Variants in ST6GAL1 observed in about 807,000 individuals in gnomAD.
ST6GAL1 encodes the protein ST6 beta-galactoside alpha-2,6-sialyltransferase 1.
In ST6GAL1, 20 loss-of-function variants were observed where a neutral mutation model predicts 38.0. The ratio of observed to expected loss-of-function variants is 0.53; its 90% CI spans 0.37 to 0.77. ST6GAL1 has a LOEUF of 0.77. Ranked by LOEUF, ST6GAL1 falls within the 30% of genes least tolerant of loss-of-function variation. The pLI is 0.00. For synonymous variants in ST6GAL1, 196 were observed against 188.2 expected, an observed-to-expected ratio of 1.04 and a Z score of -0.34; for missense variants, 432 against 496.4, an observed-to-expected ratio of 0.87 and a Z score of 1.23.
At chr3:186,982,271 G>A (rs555811130) in intron 2 of ST6GAL1, among the ~76,000 whole-genome samples, 1 of 152,324 alleles carries the variant, frequency 6.6e-6, no homozygotes, top group Admixed American at 6.5e-5. Context: ...TTGCATCAAA[G>A]GGTGGCAGAT....
chr3:186,977,723 C>G lies in ST6GAL1; in HGVS notation c.-183+13797C>G, dbSNP rs532450749. ...CCAGGGGCCTGCTGTATTTGAAGATCTTTTAGCCTGAGGGATTTTATCACA... is the reference window on the plus strand; with the variant it reads ...CCAGGGGCCTGCTGTATTTGAAGATGTTTTAGCCTGAGGGATTTTATCACA... On this transcript the variant is annotated intron_variant, in intron 2 of 7. Transcript: ENST00000169298. 3.9e-5 allele frequency among the ~76,000 whole-genome samples: 6 copies of G among 152,198 alleles called. 1 individual carries two copies. In the South Asian group the frequency reaches 8.3e-4, roughly 21 times the overall value.
In ST6GAL1 at chr3:186,952,509, T is replaced by G. The variant is rs1174997139; in HGVS notation, c.-324-11276T>G. Among the ~76,000 whole-genome samples the G allele has an allele frequency of 6.6e-6, 1 of 151,040 alleles. No individual in the cohort carries two copies. Among genetic ancestry groups the G allele is most frequent in the Non-Finnish European group, 1.5e-5 (1 of 67,468 alleles). ...TCATTTTCTTTTCTTTTCTTTTCTT[T>G]TTTTATTTTTATTGAGATGGAGTCT... On this transcript the variant is annotated intron_variant, in intron 1 of 7. Coordinates refer to ENST00000169298, the MANE Select transcript of ST6GAL1 (RefSeq NM_173216.2). The surrounding 1 kb of genome is among the most constrained non-coding windows in gnomAD (Gnocchi z 4.1).
At chr3:186,984,960 G>A (rs770023738) in intron 2 of ST6GAL1, among the ~76,000 whole-genome samples, 5 of 151,488 alleles carry the variant, frequency 3.3e-5, no homozygotes, top group Admixed American at 6.6e-5. Flanking sequence ...CCAGGCTGAA[G>A]TGCAGTGGCA....
chr3:186,933,586 T>G (rs891134462), intron 1 of ST6GAL1, among the ~76,000 whole-genome samples: 10 of 152,158 alleles, frequency 6.6e-5, no homozygotes, highest in African/African-American at 2.2e-4. Flanking sequence ...GCAGTATAGT[T>G]TTCTCACCAG....
intron 5 of ST6GAL1, among the ~76,000 whole-genome samples, chr3:187,062,297 G>A (rs543700423): frequency 9.2e-5 from 14 of 152,180 alleles, no homozygotes; most frequent in African/African-American, 3.4e-4. Context: ...CTTAAAAATG[G>A]AATTACCGTG....
intron 2 of ST6GAL1, among the ~76,000 whole-genome samples, chr3:186,996,219 CTG>C (rs1716400033): frequency 2.0e-5 from 3 of 152,156 alleles, no homozygotes; most frequent in Admixed American, 1.3e-4. Context: ...CCAAGAAACT[CTG>C]TGTATTTGCT....
At chr3:186,968,423 T>C (rs149466315) in intron 2 of ST6GAL1, among the ~76,000 whole-genome samples, 1 of 152,318 alleles carries the variant, frequency 6.6e-6, no homozygotes, top group African/African-American at 2.4e-5. Flanking sequence ...TGGTGAGTTT[T>C]GACATATGTA....
chr3:187,027,053 A>T (rs1011137425), intron 2 of ST6GAL1, among the ~76,000 whole-genome samples: 18 of 151,970 alleles, frequency 1.2e-4, no homozygotes, highest in African/African-American at 3.1e-4. Context: ...TGTCTCCAAA[A>T]AAATAAATAA....
At chr3:186,949,978 C>T (rs1232325238) in intron 1 of ST6GAL1, among the ~76,000 whole-genome samples, 2 of 152,164 alleles carry the variant, frequency 1.3e-5, no homozygotes, top group Non-Finnish European at 2.9e-5. Flanking sequence ...AGTTATTGTC[C>T]ACCTGATGGG....
chr3:186,936,800 A>T (rs1273367188), intron 1 of ST6GAL1, among the ~76,000 whole-genome samples: 1 of 151,956 alleles, frequency 6.6e-6, no homozygotes, highest in Admixed American at 6.6e-5. Context: ...AATCAGCCGG[A>T]CATGGTGGGC....
intron 2 of ST6GAL1, among the ~76,000 whole-genome samples, chr3:186,997,807 G>A (rs1716470252): frequency 6.6e-6 from 1 of 150,750 alleles, no homozygotes; most frequent in Admixed American, 6.6e-5. Context: ...TTGAGACAAT[G>A]CTGACTGGTG....
At chr3:186,938,289 C>T (rs1378108277) in intron 1 of ST6GAL1, among the ~76,000 whole-genome samples, 2 of 152,152 alleles carry the variant, frequency 1.3e-5, no homozygotes, top group Non-Finnish European at 2.9e-5. Context: ...ACAGCGCAAG[C>T]AAGTCGGGAT....
chr3:186,991,139 T>G (rs1716154932), intron 2 of ST6GAL1, among the ~76,000 whole-genome samples: 1 of 152,206 alleles, frequency 6.6e-6, no homozygotes, highest in Non-Finnish European at 1.5e-5. Context: ...GTTGCCTTCT[T>G]TTGGACTTGC....
intron 1 of ST6GAL1, among the ~76,000 whole-genome samples, chr3:186,954,999 A>G (rs1714700230): frequency 6.6e-6 from 1 of 152,152 alleles, no homozygotes; most frequent in Non-Finnish European, 1.5e-5. Context: ...TCTTGAGTTA[A>G]TTTTTGGGTA....
chr3:186,985,802 A>T (rs908559286), intron 2 of ST6GAL1, among the ~76,000 whole-genome samples: 2 of 151,306 alleles, frequency 1.3e-5, no homozygotes, highest in African/African-American at 4.9e-5. Context: ...AAAGAAAAAG[A>T]AAAAAAGACG....
At chr3:186,984,059 C>T (rs1425305218) in intron 2 of ST6GAL1, among the ~76,000 whole-genome samples, 1 of 152,180 alleles carries the variant, frequency 6.6e-6, no homozygotes, top group Non-Finnish European at 1.5e-5. Context: ...TCTGCTCTTC[C>T]TTTGTCTCCT....
At chr3:186,977,240 C>G (rs936779184) in intron 2 of ST6GAL1, among the ~76,000 whole-genome samples, 1 of 152,210 alleles carries the variant, frequency 6.6e-6, no homozygotes, top group African/African-American at 2.4e-5. Context: ...GGCTCCCTCC[C>G]CCACGGCTTC....
chr3:187,017,125 T>G (rs553397010), intron 2 of ST6GAL1, among the ~76,000 whole-genome samples: 6 of 152,192 alleles, frequency 3.9e-5, no homozygotes, highest in African/African-American at 1.4e-4. Context: ...GCAACAGACT[T>G]CCTAGGTTGT....
chr3:186,974,726 TG>T (rs59138183), intron 2 of ST6GAL1, among the ~76,000 whole-genome samples: 12,991 of 145,826 alleles, frequency 0.089, 691 homozygotes, highest in East Asian at 0.19. Context: ...AGAGCCTGGT[TG>T]GGGGGGGGGC....
Sources: allele counts gnomAD v4.1 joint callset (sites outside exome capture counted in the v4.1 genomes callset), GRCh38; gene constraint gnomAD v4.1.1; non-coding constraint Gnocchi (gnomAD v3.1); transcripts MANE v1.5; gene names NCBI Gene and HGNC (gene_info 2026-07-23, HGNC 2026-07-21).